PCDHGA10: variants seen among roughly 807,000 people sequenced by gnomAD.
PCDHGA10 encodes protocadherin gamma-A10.
In PCDHGA10, 42 loss-of-function variants were observed where a neutral mutation model predicts 59.5. The observed-to-expected ratio is 0.71, with a 90% CI of 0.55 to 0.91. The LOEUF (loss-of-function observed/expected upper bound fraction) is 0.91. PCDHGA10 is among the 40% of genes least tolerant of loss of function. PCDHGA10 has a pLI of 0.00. For missense variants in PCDHGA10, 1,111 were observed against 1,198.2 expected (o/e 0.93, Z 1.07); for synonymous variants, 511 against 517.2 (o/e 0.99, Z 0.16).
At chr5:141,501,881 C>T (rs1396427606) in intron 2 of PCDHGA10, among the ~76,000 whole-genome samples, 1 of 152,124 alleles carries the variant, frequency 6.6e-6, no homozygotes, top group East Asian at 1.9e-4. Context: ...CCTTACACTC[C>T]TGATCATCAT....
chr5:141,441,656 C>A, intron 1 of PCDHGA10: 1 of 247,684 alleles, frequency 4.0e-6, no homozygotes, highest in Non-Finnish European at 8.1e-6. Flanking sequence ...TCTAGGTGTC[C>A]TTGAGCGCAC....
chr5:141,492,043 TC>T (rs1323524482), intron 1 of PCDHGA10: 5 of 518,152 alleles, frequency 9.6e-6, no homozygotes, highest in Non-Finnish European at 1.7e-5. Context: ...CAGTCACAGA[TC>T]CACCCCTGCA....
intron 1 of PCDHGA10, chr5:141,417,977 G>T (rs752463782): frequency 1.2e-6 from 2 of 1,613,872 alleles, no homozygotes; most frequent in South Asian, 2.2e-5. Context: ...GATTCCGGAG[G>T]AGCTGGCCAA....
At chr5:141,419,116 C>A in intron 1 of PCDHGA10, 2 of 1,613,888 alleles carry the variant, frequency 1.2e-6, no homozygotes. Context: ...CAGAGTACAA[C>A]GTCACCATCG....
chr5:141,459,939 G>A (rs377668643), intron 1 of PCDHGA10, among the ~76,000 whole-genome samples: 7 of 152,256 alleles, frequency 4.6e-5, no homozygotes, highest in Non-Finnish European at 7.4e-5. Flanking sequence ...GTAGCTGGGC[G>A]TGATGGCAGG....
In PCDHGA10 at chr5:141,491,410, G is replaced by T. The variant is rs777207581; in HGVS notation, c.2437-3397G>T. On this transcript the variant is annotated intron_variant, in intron 1 of 3. Transcript: ENST00000398610. The surrounding 1 kb of genome is among the most constrained non-coding windows in gnomAD (Gnocchi z 6.9). ...GTGCCTTCAGGGAAACGCAGACGGG[G>T]ACGGGGGTGGAGGGCAGTGCTGCAG... 28 of 1,614,142 alleles carry T rather than the reference G, an allele frequency of 1.7e-5. No individual in the cohort carries two copies. The highest frequency in any genetic ancestry group is 2.4e-5 in the Non-Finnish European group (28 of 1,180,034).
chr5:141,498,960 G>GGAGA (rs1381042115), intron 2 of PCDHGA10, among the ~76,000 whole-genome samples: 9 of 118,744 alleles, frequency 7.6e-5, no homozygotes, highest in African/African-American at 2.8e-4. Context: ...AGAGAGAGAG[G>GGAGA]GAGGGAGGGA....
At chr5:141,460,981 GTGTA>G (rs1315974712) in intron 1 of PCDHGA10, among the ~76,000 whole-genome samples, 3 of 121,894 alleles carry the variant, frequency 2.5e-5, no homozygotes, top group Non-Finnish European at 5.1e-5. Context: ...GTGTGTGTGT[GTGTA>G]TATATATATA....
chr5:141,457,481 G>T (rs990111430), intron 1 of PCDHGA10, among the ~76,000 whole-genome samples: 1 of 152,212 alleles, frequency 6.6e-6, no homozygotes, highest in African/African-American at 2.4e-5. Context: ...CAGGGCCAGG[G>T]TTAGTCTAAA....
rs1191643556 is a variant in PCDHGA10, at chr5:141,486,302, C to T, written c.2437-8505C>T. The T allele has an allele frequency of 2.5e-6, 4 of 1,613,918 alleles. No individual in the cohort carries two copies. The highest frequency in any genetic ancestry group is 3.4e-6 in the Non-Finnish European group (4 of 1,180,002). Reference sequence around the variant, plus strand: ...GGTGGCACTTATCAGTGTGCAGGATCCAGACTCAGGGTCAAACGGAGATGT... The same window carrying T: ...GGTGGCACTTATCAGTGTGCAGGATTCAGACTCAGGGTCAAACGGAGATGT... On this transcript the variant is annotated intron_variant, in intron 1 of 3. Coordinates refer to ENST00000398610, the MANE Select transcript of PCDHGA10 (RefSeq NM_018913.3). This position sits in a 1 kb window ranked among gnomAD's most constrained non-coding sequence, Gnocchi z 5.0.
chr5:141,447,428 G>C (rs542079336), intron 1 of PCDHGA10, among the ~76,000 whole-genome samples: 1 of 152,184 alleles, frequency 6.6e-6, no homozygotes, highest in African/African-American at 2.4e-5. Flanking sequence ...GTGAGCCACC[G>C]CACCCGGAGG....
chr5:141,487,314 A>G lies in PCDHGA10; in HGVS notation c.2437-7493A>G. ...GGCTCATTCGTGGCACTACTCTCTAAGTGTCTTCGTGGGGCAGCCTGTGGA... is the reference window on the plus strand; with the variant it reads ...GGCTCATTCGTGGCACTACTCTCTAGGTGTCTTCGTGGGGCAGCCTGTGGA... On this transcript the variant is annotated intron_variant, in intron 1 of 3. Transcript: ENST00000398610. The surrounding 1 kb of genome is among the most constrained non-coding windows in gnomAD (Gnocchi z 5.0). The G allele has an allele frequency of 6.2e-7, 1 of 1,614,002 alleles. No individual in the cohort carries two copies. Among genetic ancestry groups the G allele is most frequent in the African/African-American group, 1.3e-5 (1 of 74,994 alleles).
Position 141,423,756 on chromosome 5 carries a change from G to GA in PCDHGA10, c.2436+8145_2436+8146insA. ...GCCTGTTATGAAAACTGTTTGGGGGGGGGGTGGGGCGGCATATATTTAGTT... is the reference window on the plus strand; with the variant it reads ...GCCTGTTATGAAAACTGTTTGGGGGGAGGGGTGGGGCGGCATATATTTAGTT... On this transcript the variant is annotated intron_variant, in intron 1 of 3. Transcript: ENST00000398610. 2 of 448,622 alleles carry GA rather than the reference G, an allele frequency of 4.5e-6. 1 individual carries two copies. The highest frequency in any genetic ancestry group is 6.1e-6 in the Non-Finnish European group (2 of 329,708). 27.8% of individuals were successfully genotyped at this position (448,622 alleles called of 1,614,324 possible). A position where few individuals can be genotyped will look rare whatever the true frequency, so the allele number is the denominator to read the frequency against.
At chr5:141,492,091 C>A (rs930375969) in intron 1 of PCDHGA10, among the ~76,000 whole-genome samples, 1 of 152,242 alleles carries the variant, frequency 6.6e-6, no homozygotes, top group South Asian at 2.1e-4. Flanking sequence ...CACGCTTCGC[C>A]GGTCTGTAGA....
intron 1 of PCDHGA10, among the ~76,000 whole-genome samples, chr5:141,467,008 A>AT (rs1165146249): frequency 6.7e-6 from 1 of 150,270 alleles, no homozygotes; most frequent in Non-Finnish European, 1.5e-5. Context: ...TTGCAATGCA[A>AT]TTTTTTTCCC....
chr5:141,419,035 T>G, intron 1 of PCDHGA10: 1 of 1,613,954 alleles, frequency 6.2e-7, no homozygotes, highest in Non-Finnish European at 8.5e-7. Context: ...GTGTTCCATT[T>G]AAGATTCATT....
At position 141,461,300 on chromosome 5, in the gene PCDHGA10, A is replaced by G. The variant is rs889981233; in HGVS notation, c.2437-33507A>G. Among the ~76,000 whole-genome samples, 10 of 152,106 alleles carry G rather than the reference A, an allele frequency of 6.6e-5. No individual in the cohort carries two copies. In the East Asian group the frequency reaches 1.4e-3, roughly 21 times the overall value. On this transcript the variant is annotated intron_variant, in intron 1 of 3. Transcript: ENST00000398610. The stretch of plus-strand genomic sequence containing the variant: ...TTTCCCCACATCCACACCAACATCT[A>G]TTGTTTTTTGACTTTTTAATAATGG...
At chr5:141,470,599 C>T (rs967683467) in intron 1 of PCDHGA10, among the ~76,000 whole-genome samples, 12 of 152,194 alleles carry the variant, frequency 7.9e-5, no homozygotes, top group Non-Finnish European at 1.2e-4. Context: ...GCGACCTGTG[C>T]GGGGACACAG....
Position 141,413,179 on chromosome 5 carries a change from G to C in PCDHGA10, c.4G>C (p.Ala2Pro). The C allele has an allele frequency of 6.2e-7, 1 of 1,602,658 alleles. No homozygotes were observed. ...AGAATTCTGTAACCAGACTACAATG[G>C]CCGCTCAAAGGAATCGCTCAAAGGA... MAAQRNRSKESK... is the reference protein window; with the variant it reads MPAQRNRSKESK... The change falls in exon 1 of 4, where the codon GCC becomes CCC. Residue 2 changes from alanine to proline, a missense_variant. Ala to Pro is a conservative substitution (Grantham distance 27). Coordinates refer to ENST00000398610, the MANE Select transcript of PCDHGA10 (RefSeq NM_018913.3).
Sources: allele counts gnomAD v4.1 joint callset (sites outside exome capture counted in the v4.1 genomes callset), GRCh38; gene constraint gnomAD v4.1.1; non-coding constraint Gnocchi (gnomAD v3.1); transcripts MANE v1.5; gene names NCBI Gene and HGNC (gene_info 2026-07-23, HGNC 2026-07-21).